KIF20B: variants seen among roughly 807,000 people sequenced by gnomAD.
KIF20B encodes the protein kinesin family member 20B.
KIF20B carries 188 observed loss-of-function variants against 232.5 expected under a neutral mutation model. That is an observed-to-expected ratio of 0.81 (90% CI 0.72 to 0.91). The LOEUF (loss-of-function observed/expected upper bound fraction) is 0.91. KIF20B is among the 40% of genes least tolerant of loss of function. KIF20B has a pLI of 0.00. For synonymous variants in KIF20B, 712 were observed against 683.0 expected, an observed-to-expected ratio of 1.04 and a Z score of -0.66; for missense variants, 2,154 against 2,055.9, an observed-to-expected ratio of 1.05 and a Z score of -0.92.
intron 32 of KIF20B, 78 bp from the exon 33 acceptor site, chr10:89,773,891 ATG>A (rs1842516586): frequency 1.3e-5 from 10 of 745,626 alleles, no homozygotes; most frequent in Middle Eastern, 2.6e-4. Flanking sequence ...GCACATGAAC[ATG>A]TCTTACTCAT....
At chr10:89,742,600 T>C (rs955299054) in intron 21 of KIF20B, among the ~76,000 whole-genome samples, 1 of 152,162 alleles carries the variant, frequency 6.6e-6, no homozygotes, top group Non-Finnish European at 1.5e-5. Context: ...GAATATGTGA[T>C]TATCATGTAT....
At chr10:89,752,041 A>G (rs545569066) in intron 24 of KIF20B, among the ~76,000 whole-genome samples, 3 of 152,200 alleles carry the variant, frequency 2.0e-5, no homozygotes, top group Admixed American at 2.0e-4. Context: ...GATGATGATA[A>G]TGCCATATGT....
chr10:89,735,282 A>T (rs7914918), intron 19 of KIF20B, among the ~76,000 whole-genome samples: 6,636 of 152,238 alleles, frequency 0.044, 191 homozygotes, highest in Middle Eastern at 0.082. Context: ...AGAAGAACAT[A>T]TGTGGTATAG....
intron 21 of KIF20B, among the ~76,000 whole-genome samples, chr10:89,742,611 G>A (rs1025548911): frequency 6.6e-6 from 1 of 150,940 alleles, no homozygotes; most frequent in Admixed American, 6.6e-5. Context: ...TATCATGTAT[G>A]TATTATTGGA....
Position 89,710,937 on chromosome 10 carries a change from A to G in KIF20B, c.491-24A>G, listed in dbSNP as rs76718061. Reference sequence around the variant, plus strand: ...CTCTTTCCTAGTAGACTGAGAGAGTATAACACAAAAATTCCTTTTGCAGGG... The same window carrying G: ...CTCTTTCCTAGTAGACTGAGAGAGTGTAACACAAAAATTCCTTTTGCAGGG... On this transcript the variant is annotated intron_variant, in intron 5 of 32. Coordinates refer to ENST00000371728, the MANE Select transcript of KIF20B (RefSeq NM_001284259.2). The G allele has an allele frequency of 4.5e-3, 7,158 of 1,589,532 alleles. 24 individuals are homozygous for G. The highest frequency in any genetic ancestry group is 5.6e-3 in the Non-Finnish European group (6,527 of 1,170,580).
intron 13 of KIF20B, among the ~76,000 whole-genome samples, chr10:89,722,600 C>T (rs868756994): frequency 1.3e-5 from 2 of 152,008 alleles, no homozygotes; most frequent in Non-Finnish European, 2.9e-5. Context: ...ACCTGGGGGG[C>T]GGAGGTTGCA....
rs560088319 is a variant in KIF20B, at chr10:89,750,507, C to T, written c.4097-839C>T. Among the ~76,000 whole-genome samples the T allele has an allele frequency of 4.2e-3, 637 of 152,174 alleles. 4 individuals carry two copies. The highest frequency in any genetic ancestry group is 0.014 in the African/African-American group (582 of 41,536). ...TTGTTTTACCTTTGTTTTATGTGCA[C>T]TTTGAGGGAGCCATCTTTGGGTATT... is the stretch of plus-strand genomic sequence containing the variant. On this transcript the variant is annotated intron_variant, in intron 23 of 32. Coordinates refer to ENST00000371728, the MANE Select transcript of KIF20B (RefSeq NM_001284259.2).
Position 89,711,076 on chromosome 10 carries a change from A to C in KIF20B, c.606A>C (p.Leu202Phe), listed in dbSNP as rs1231515805. The change falls in exon 6 of 33, where the codon TTA becomes TTC. Residue 202 changes from leucine (L) to phenylalanine (F), a missense_variant. Coordinates refer to ENST00000371728, the MANE Select transcript of KIF20B (RefSeq NM_001284259.2). ...NLKPHRSREY[L>F]RLSSEQEKEE... ...AACCACATAGATCCAGAGAATACTT[A>C]AGGTTATCATCAGAACAAGAGAAAG... is the stretch of plus-strand genomic sequence containing the variant. 2 of 1,604,814 alleles carry C rather than the reference A, an allele frequency of 1.2e-6. No homozygotes were observed. The highest frequency in any genetic ancestry group is 1.7e-6 in the Non-Finnish European group (2 of 1,174,600).
At chr10:89,726,214 C>G (rs190699683) in intron 15 of KIF20B, 79 bp from the exon 16 acceptor site, 2 of 1,318,336 alleles carry the variant, frequency 1.5e-6, no homozygotes, top group Non-Finnish European at 1.9e-6. Flanking sequence ...TTTTTAAAAA[C>G]TGTCTAAATT....
intron 13 of KIF20B, among the ~76,000 whole-genome samples, chr10:89,721,780 T>G (rs1318537069): frequency 6.6e-6 from 1 of 152,192 alleles, no homozygotes; most frequent in Non-Finnish European, 1.5e-5. Flanking sequence ...GAAAAATATT[T>G]AATGCTATAG....
At chr10:89,714,645 A>G (rs954890864) in intron 7 of KIF20B, among the ~76,000 whole-genome samples, 1 of 152,212 alleles carries the variant, frequency 6.6e-6, no homozygotes, top group Non-Finnish European at 1.5e-5. Flanking sequence ...AATATTACAG[A>G]TATCCCTTTT....
chr10:89,725,035 A>C lies in KIF20B; in HGVS notation c.1878A>C (p.Gln626His). The change falls in exon 15 of 33, where the codon CAA (glutamine) becomes CAC (histidine). Residue 626 changes from glutamine to histidine, a missense_variant. Coordinates refer to ENST00000371728, the MANE Select transcript of KIF20B (RefSeq NM_001284259.2). ...READFKETLLQEREILEENAE... is the reference protein window; with the variant it reads ...READFKETLLHEREILEENAE... Reference sequence around the variant, plus strand: ...TATTTTGAAGGGAGACTCTGCTTCAAGAACGAGAGATATTAGAAGAAAATG... The same window carrying C: ...TATTTTGAAGGGAGACTCTGCTTCACGAACGAGAGATATTAGAAGAAAATG... The C allele has an allele frequency of 2.5e-6, 4 of 1,613,574 alleles. No individual in the cohort carries two copies. The highest frequency in any genetic ancestry group is 3.4e-6 in the Non-Finnish European group (4 of 1,179,700).
At chr10:89,741,059 A>T (rs1000908393) in intron 21 of KIF20B, among the ~76,000 whole-genome samples, 1 of 152,206 alleles carries the variant, frequency 6.6e-6, no homozygotes, top group Non-Finnish European at 1.5e-5. Flanking sequence ...AAGCAATTAT[A>T]CAATTCACCA....
At chr10:89,759,883 G>A (rs1015927458) in intron 27 of KIF20B, among the ~76,000 whole-genome samples, 2 of 152,148 alleles carry the variant, frequency 1.3e-5, no homozygotes, top group Non-Finnish European at 2.9e-5. Context: ...TTTGATGGCT[G>A]TGATGAGGAG....
intron 19 of KIF20B, among the ~76,000 whole-genome samples, chr10:89,734,599 A>G (rs186599490): frequency 6.6e-6 from 1 of 152,172 alleles, no homozygotes; most frequent in Non-Finnish European, 1.5e-5. Context: ...ATAGAAACTC[A>G]TTTGTATATG....
intron 6 of KIF20B, among the ~76,000 whole-genome samples, chr10:89,712,298 G>A (rs1045547211): frequency 2.6e-5 from 4 of 151,544 alleles, no homozygotes; most frequent in African/African-American, 9.7e-5. Flanking sequence ...TTGTCATCCA[G>A]GCTGGAGTAT....
intron 13 of KIF20B, among the ~76,000 whole-genome samples, chr10:89,721,328 G>A (rs1044218840): frequency 6.6e-6 from 1 of 152,128 alleles, no homozygotes; most frequent in African/African-American, 2.4e-5. Context: ...TGTTACTTGG[G>A]CTTCTGTAAT....
In KIF20B at chr10:89,721,787, A is replaced by G. The variant is rs1229974099; in HGVS notation, c.1722+2081A>G. On this transcript the variant is annotated intron_variant, in intron 13 of 32. Coordinates refer to ENST00000371728, the MANE Select transcript of KIF20B (RefSeq NM_001284259.2). The stretch of plus-strand genomic sequence containing the variant: ...TTACTAGAGAAAAATATTTAATGCT[A>G]TAGTTTATGATGGATTATATAGTAT... 2.6e-5 allele frequency among the ~76,000 whole-genome samples: 4 copies of G among 152,216 alleles called. No individual in the cohort carries two copies. In the East Asian group the frequency reaches 5.8e-4, roughly 22 times the overall value.
At position 89,726,417 on chromosome 10, in the gene KIF20B, C is replaced by A. The variant is rs781730356; in HGVS notation, c.2126C>A (p.Ala709Asp). The A allele has an allele frequency of 6.3e-7, 1 of 1,597,534 alleles. No individual in the cohort carries two copies. Among genetic ancestry groups the A allele is most frequent in the East Asian group, 2.3e-5 (1 of 44,010 alleles). ...YIASLPDPQE[A>D]TACLELKFNQ... ...GCATCTCTTCCTGACCCCCAGGAAGCTACTGCTTGTTTAGAACTAAAGTTT... is the reference window on the plus strand; with the variant it reads ...GCATCTCTTCCTGACCCCCAGGAAGATACTGCTTGTTTAGAACTAAAGTTT... Residue 709 changes from alanine (A) to aspartate (D), a missense_variant, in exon 16 of 33, where the codon GCT becomes GAT. Physicochemically the swap from Ala to Asp is moderately radical, Grantham distance 126. Transcript: ENST00000371728.
Sources: allele counts gnomAD v4.1 joint callset (sites outside exome capture counted in the v4.1 genomes callset), GRCh38; gene constraint gnomAD v4.1.1; transcripts MANE v1.5; gene names NCBI Gene and HGNC (gene_info 2026-07-23, HGNC 2026-07-21).